Variants in C6orf132 observed in about 807,000 individuals in gnomAD.
C6orf132 encodes uncharacterized protein C6orf132.
C6orf132 carries 43 observed loss-of-function variants against 65.3 expected under a neutral mutation model. That is an observed-to-expected ratio of 0.66 (90% confidence interval 0.52 to 0.85). The LOEUF is 0.85. Ranked by LOEUF, C6orf132 falls within the 40% of genes least tolerant of loss-of-function variation. C6orf132 has a pLI of 0.00. For synonymous variants in C6orf132, 631 were observed against 654.1 expected (o/e 0.96, Z 0.54); for missense variants, 1,488 against 1,548.8 (o/e 0.96, Z 0.66).
chr6:42,138,214 A>G (rs910574092), intron 1 of C6orf132, among the ~76,000 whole-genome samples: 1 of 152,026 alleles, frequency 6.6e-6, no homozygotes, highest in Admixed American at 6.6e-5. Context: ...TGGTGCCATC[A>G]TAGCTGACTG....
rs1055636246 is a variant in C6orf132, at chr6:42,124,389, C to G, written c.252+4283G>C. 2.0e-5 allele frequency among the ~76,000 whole-genome samples: 3 copies of G among 152,248 alleles called. No individual in the cohort carries two copies. Among genetic ancestry groups the G allele is most frequent in the Non-Finnish European group, 4.4e-5 (3 of 68,044 alleles). On this transcript the variant is annotated intron_variant, in intron 2 of 4. Transcript: ENST00000341865. This position sits in a 1 kb window ranked among gnomAD's most constrained non-coding sequence, Gnocchi z 4.0. Reference sequence around the variant, plus strand: ...CTTGTCTCCTTCTCTCTAGCTCTGTCCCCTGGCAGGCTCCTGTAGGGCACT... The same window carrying G: ...CTTGTCTCCTTCTCTCTAGCTCTGTGCCCTGGCAGGCTCCTGTAGGGCACT...
chr6:42,104,908 C>A lies in C6orf132; in HGVS notation c.3004G>T (p.Ala1002Ser). The change falls in exon 4 of 5, where the codon GCC becomes TCC. Residue 1002 changes from alanine (A) to serine (S), a missense_variant. Ala to Ser is a moderately conservative substitution (Grantham distance 99, BLOSUM62 1). Transcript: ENST00000341865. The surrounding 1 kb of genome is among the most constrained non-coding windows in gnomAD (Gnocchi z 4.1). ...FSNDPEPPAP[A>S]LQYLGRQSSP... ...CTCTGGCGGCCCAGATACTGGAGGG[C>A]CGGGGCCGGGGGCTCAGGGTCATTG... 1 of 1,454,110 alleles carries A rather than the reference C, an allele frequency of 6.9e-7. No homozygotes were observed. The highest frequency in any genetic ancestry group is 2.5e-5 in the East Asian group (1 of 40,108). 90.1% of individuals were successfully genotyped at this position (1,454,110 alleles called of 1,614,324 possible).
At chr6:42,108,448 A>G (rs533158468) in intron 3 of C6orf132, among the ~76,000 whole-genome samples, 7 of 152,276 alleles carry the variant, frequency 4.6e-5, no homozygotes, top group Admixed American at 4.6e-4. Context: ...TGTGTGAGAC[A>G]GGGAAGGTGG....
intron 1 of C6orf132, among the ~76,000 whole-genome samples, chr6:42,132,385 T>C (rs9381148): frequency 0.86 from 131,136 of 151,754 alleles, 56,859 homozygotes; most frequent in African/African-American, 0.94. Context: ...TGTGGTGGCA[T>C]GCACCTGTAG....
chr6:42,105,468 G>T lies in C6orf132; in HGVS notation c.2444C>A (p.Ala815Asp), dbSNP rs1766383895. The T allele has an allele frequency of 6.5e-7, 1 of 1,533,940 alleles. No homozygotes were observed. Among genetic ancestry groups the T allele is most frequent in the African/African-American group, 1.4e-5 (1 of 73,124 alleles). ...EPPGLPAKPP[A>D]SAQPTDELLR... ...GAGTTCATCAGTGGGCTGGGCCGAG[G>T]CAGGAGGCTTGGCTGGCAGCCCTGG... The change falls in exon 4 of 5, where the codon GCC becomes GAC. Residue 815 changes from alanine to aspartate, a missense_variant. Physicochemically the swap from Ala to Asp is moderately radical, Grantham distance 126. Transcript: ENST00000341865.
Position 42,104,468 on chromosome 6 carries a change from G to T in C6orf132, c.3444C>A (p.Ala1148=). Residue 1148 remains alanine (A), a synonymous_variant, in exon 4 of 5, where the codon GCC becomes GCA. Transcript: ENST00000341865. The surrounding 1 kb of genome is among the most constrained non-coding windows in gnomAD (Gnocchi z 4.1). ...CAGCCGGGCCCGCAGCTCACCTGCCGGCAGCTGGGGCGAAGCCGTAGTCGG... is the reference window on the plus strand; with the variant it reads ...CAGCCGGGCCCGCAGCTCACCTGCCTGCAGCTGGGGCGAAGCCGTAGTCGG... ...GSADYGFAPA[A]GRSPYTTTRY... The T allele has an allele frequency of 8.1e-7, 1 of 1,230,826 alleles. No individual in the cohort carries two copies. Among genetic ancestry groups the T allele is most frequent in the Non-Finnish European group, 1.0e-6 (1 of 987,512 alleles). 76.2% of individuals were successfully genotyped at this position (1,230,826 alleles called of 1,614,324 possible). A position where few individuals can be genotyped will look rare whatever the true frequency, so the allele number is the denominator to read the frequency against.
chr6:42,128,564 G>T, intron 2 of C6orf132, 108 bp downstream of exon 2: 1 of 805,124 alleles, frequency 1.2e-6, no homozygotes, highest in Non-Finnish European at 2.0e-6. Context: ...TCAGCATCAG[G>T]AAGGAAGGGG....
chr6:42,128,544 TC>T (rs765568790), intron 2 of C6orf132, 127 bp downstream of exon 2: 18 of 680,868 alleles, frequency 2.6e-5, no homozygotes, highest in Non-Finnish European at 4.0e-5. Context: ...TAGCCCCCCT[TC>T]CCGCCGGGTC....
In C6orf132 at chr6:42,102,936, G is replaced by C. The variant is rs531426210; in HGVS notation, c.*825C>G. 2.5e-6 allele frequency: 1 copy of C among 397,420 alleles called. No individual in the cohort carries two copies. The allele number at this position is 397,420 out of a possible 1,614,324, so 24.6% of individuals were successfully genotyped here. A position where few individuals can be genotyped will look rare whatever the true frequency, so the allele number is the denominator to read the frequency against. ...CCTAGTGTCAAGCCTAAGACTCATG[G>C]CTCCTTGGGCCCAGTCCCCAAAATC... On this transcript the variant is annotated 3_prime_UTR_variant, in exon 5 of 5. Transcript: ENST00000341865.
In C6orf132 at chr6:42,104,414, G is replaced by A; in HGVS notation, c.3449+49C>T. 8.1e-7 allele frequency: 1 copy of A among 1,228,678 alleles called. No individual in the cohort carries two copies. The highest frequency in any genetic ancestry group is 4.2e-5 in the Admixed American group (1 of 23,614). 76.1% of individuals were successfully genotyped at this position (1,228,678 alleles called of 1,614,324 possible). ...GGCCGGGACTCCTTGGCCCTCGCCT[G>A]GCTTTCCACCCCTCCTGGCTTCCCG... is the stretch of plus-strand genomic sequence containing the variant. On this transcript the variant is annotated intron_variant, in intron 4 of 4. Transcript: ENST00000341865. This position sits in a 1 kb window ranked among gnomAD's most constrained non-coding sequence, Gnocchi z 4.1.
chr6:42,117,915 C>T (rs886064218), intron 2 of C6orf132, among the ~76,000 whole-genome samples: 8 of 80,954 alleles, frequency 9.9e-5, no homozygotes, highest in African/African-American at 4.6e-4. Flanking sequence ...CAGAGCAAAA[C>T]CCTGTCACAA....
rs747245892 is a variant in C6orf132 at position 42,104,746 on chromosome 6, C to G, written c.3166G>C (p.Gly1056Arg). The G allele has an allele frequency of 3.7e-5, 56 of 1,526,308 alleles. No homozygotes were observed. In the African/African-American group the frequency reaches 6.9e-4, roughly 19 times the overall value. 94.5% of individuals were successfully genotyped at this position (1,526,308 alleles called of 1,614,324 possible). A position where few individuals can be genotyped will look rare whatever the true frequency, so the allele number is the denominator to read the frequency against. Residue 1056 changes from glycine (G) to arginine (R), a missense_variant, in exon 4 of 5, where the codon GGA becomes CGA. Coordinates refer to ENST00000341865, the MANE Select transcript of C6orf132 (RefSeq NM_001164446.3). The surrounding 1 kb of genome is among the most constrained non-coding windows in gnomAD (Gnocchi z 4.1). ...TTCTTTATGAGCGAGCGGCCCCCTC[C>G]CGAGAAGCGCTCCAGGCCCCCAGCC... is the stretch of plus-strand genomic sequence containing the variant. Reference protein sequence around the residue: ...AGAGGLERFSGGGRSLIKKRL... With the variant: ...AGAGGLERFSRGGRSLIKKRL...
chr6:42,125,557 G>A (rs1766751526), intron 2 of C6orf132, among the ~76,000 whole-genome samples: 1 of 152,168 alleles, frequency 6.6e-6, no homozygotes, highest in Non-Finnish European at 1.5e-5. Context: ...TTCAGTTCCT[G>A]CCTCTGTAAA....
At chr6:42,132,489 T>A (rs1379197940) in intron 1 of C6orf132, among the ~76,000 whole-genome samples, 1 of 150,996 alleles carries the variant, frequency 6.6e-6, no homozygotes, top group African/African-American at 2.4e-5. Context: ...CACTTCAGCC[T>A]GGGGGACAGA....
At chr6:42,128,115 A>G (rs189014728) in intron 2 of C6orf132, among the ~76,000 whole-genome samples, 1 of 151,172 alleles carries the variant, frequency 6.6e-6, no homozygotes, top group East Asian at 2.0e-4. Context: ...TTTAGTAGAG[A>G]CAGGGTTTCA....
rs369701799 is a variant in C6orf132 at position 42,109,430 on chromosome 6, C to CAAAT, written c.328+782_328+785dup. Among the ~76,000 whole-genome samples, 605 of 151,154 alleles carry CAAAT rather than the reference C, an allele frequency of 4.0e-3. 3 individuals carry two copies. The highest frequency in any genetic ancestry group is 6.9e-3 in the Middle Eastern group (2 of 290). On this transcript the variant is annotated intron_variant, in intron 3 of 4. Transcript: ENST00000341865. ...CTGGCAACAGAGCGAGACTCCATCT[C>CAAAT]AAATAAATAAATAAATAAATAAATA...
At chr6:42,134,492 G>T (rs1326961075) in intron 1 of C6orf132, among the ~76,000 whole-genome samples, 6 of 151,860 alleles carry the variant, frequency 4.0e-5, no homozygotes, top group African/African-American at 7.3e-5. Context: ...TCAGCCTGGC[G>T]GCCGGGCACA....
chr6:42,130,275 C>T (rs1426962587), intron 1 of C6orf132, among the ~76,000 whole-genome samples: 7 of 152,234 alleles, frequency 4.6e-5, no homozygotes. Context: ...AGTTGCCAGT[C>T]TCCATGCCTG....
rs866238528 is a variant in C6orf132, at chr6:42,106,164, T to C, written c.1748A>G (p.Lys583Arg). ...RLSSAAEKEA[K>R]PSIGSLPPKP... ...AGGGGGCAGAGATCCTATGCTGGGC[T>C]TAGCCTCCTTCTCTGCTGCTGAGGA... The change falls in exon 4 of 5, where the codon AAG (lysine) becomes AGG (arginine). Residue 583 changes from lysine (K) to arginine (R), a missense_variant. Transcript: ENST00000341865. 1 of 1,537,136 alleles carries C rather than the reference T, an allele frequency of 6.5e-7. No individual in the cohort carries two copies. Among genetic ancestry groups the C allele is most frequent in the African/African-American group, 1.4e-5 (1 of 73,056 alleles).
Sources: allele counts gnomAD v4.1 joint callset (sites outside exome capture counted in the v4.1 genomes callset), GRCh38; gene constraint gnomAD v4.1.1; non-coding constraint Gnocchi (gnomAD v3.1); transcripts MANE v1.5; gene names NCBI Gene and HGNC (gene_info 2026-07-23, HGNC 2026-07-21).